The following ROBO2 variants were observed in gnomAD, a reference collection of about 807,000 sequenced individuals.
ROBO2 encodes the protein roundabout guidance receptor 2, also known as roundabout homolog 2.
A neutral mutation model predicts 160.8 loss-of-function variants in ROBO2; 53 were observed. The ratio of observed to expected loss-of-function variants is 0.33; its 90% confidence interval spans 0.26 to 0.41. The LOEUF (loss-of-function observed/expected upper bound fraction) is 0.41. Among genes scored for constraint, ROBO2 ranks in the 10% least tolerant of loss-of-function variants. The pLI, the probability that ROBO2 is intolerant of heterozygous loss-of-function variation, is 1.00. For missense variants in ROBO2, 1,577 were observed against 1,722.4 expected, an observed-to-expected ratio of 0.92 and a Z score of 1.49; for synonymous variants, 664 against 611.7, an observed-to-expected ratio of 1.09 and a Z score of -1.26.
intron 7 of ROBO2, among the ~76,000 whole-genome samples, chr3:77,549,500 A>G (rs999851635): frequency 2.6e-5 from 4 of 152,056 alleles, no homozygotes; most frequent in African/African-American, 9.7e-5. Context: ...AGAGGTCAAT[A>G]GCATATTGAA....
At chr3:77,264,682 C>G (rs1290794572) in intron 2 of ROBO2, among the ~76,000 whole-genome samples, 5 of 152,072 alleles carry the variant, frequency 3.3e-5, no homozygotes, top group African/African-American at 1.2e-4. Context: ...TCTAGAATCA[C>G]AGCTTCATAT....
At chr3:77,262,801 C>G (rs2058860746) in intron 2 of ROBO2, among the ~76,000 whole-genome samples, 1 of 152,190 alleles carries the variant, frequency 6.6e-6, no homozygotes, top group South Asian at 2.1e-4. Flanking sequence ...GATCCTCCCA[C>G]ATTCCCCAGC....
intron 2 of ROBO2, among the ~76,000 whole-genome samples, chr3:76,247,783 C>T: frequency 6.6e-6 from 1 of 151,740 alleles, no homozygotes; most frequent in Non-Finnish European, 1.5e-5. Context: ...ACAATGAACT[C>T]AAACAAATTT....
intron 17 of ROBO2, among the ~76,000 whole-genome samples, chr3:77,593,813 A>T (rs933056544): frequency 1.3e-5 from 2 of 152,182 alleles, no homozygotes; most frequent in Non-Finnish European, 2.9e-5. Flanking sequence ...ATGTGTATAT[A>T]TATTAAGTGG....
intron 2 of ROBO2, among the ~76,000 whole-genome samples, chr3:76,247,823 G>A (rs908904797): frequency 5.9e-5 from 9 of 151,836 alleles, no homozygotes; most frequent in Non-Finnish European, 1.2e-4. Context: ...ATCAAAAAGT[G>A]GGCGAAGGAC....
At chr3:77,041,698 G>A (rs2064118617) in intron 1 of ROBO2, among the ~76,000 whole-genome samples, 1 of 151,968 alleles carries the variant, frequency 6.6e-6, no homozygotes, top group East Asian at 1.9e-4. Flanking sequence ...ATGCTTTTTG[G>A]TTTGTATTCA....
chr3:77,223,404 A>C (rs62253272), intron 2 of ROBO2, among the ~76,000 whole-genome samples: 235 of 152,242 alleles, frequency 1.5e-3, no homozygotes, highest in Middle Eastern at 3.4e-3. Context: ...GAACAACTAA[A>C]ACAGGCGCAA....
intron 2 of ROBO2, among the ~76,000 whole-genome samples, chr3:76,868,562 G>A (rs530395745): frequency 1.6e-4 from 25 of 152,194 alleles, no homozygotes; most frequent in African/African-American, 6.0e-4. Context: ...TATCAAATTG[G>A]ATCTAAGTTG....
At chr3:76,999,307 A>G (rs1050765122) in intron 2 of ROBO2, among the ~76,000 whole-genome samples, 64 of 152,202 alleles carry the variant, frequency 4.2e-4, no homozygotes, top group African/African-American at 1.5e-3. Flanking sequence ...TAAGTAAGAG[A>G]GGGCACTCAA....
At chr3:77,339,967 C>A (rs1316273094) in intron 2 of ROBO2, among the ~76,000 whole-genome samples, 2 of 151,946 alleles carry the variant, frequency 1.3e-5, no homozygotes, top group Non-Finnish European at 2.9e-5. Context: ...AATGAGATGC[C>A]CCAAGTTGCA....
chr3:77,154,819 T>C (rs2077852813), intron 2 of ROBO2, among the ~76,000 whole-genome samples: 2 of 151,858 alleles, frequency 1.3e-5, no homozygotes, highest in Admixed American at 1.3e-4. Flanking sequence ...AAACACTGGG[T>C]ACTCAGGTAC....
At chr3:77,001,354 C>A (rs2061328053) in intron 2 of ROBO2, among the ~76,000 whole-genome samples, 1 of 152,062 alleles carries the variant, frequency 6.6e-6, no homozygotes, top group Non-Finnish European at 1.5e-5. Context: ...TGGTTCTTGT[C>A]ACTGGTCAAC....
rs1241902366 is a variant in ROBO2 at position 77,574,494 on chromosome 3, T to C, written c.1972-5T>C. On this transcript the variant is annotated splice_polypyrimidine_tract_variant and splice_region_variant and intron_variant, in intron 13 of 25. Coordinates refer to ENST00000461745, the Ensembl canonical transcript of ROBO2. ...GTTTCAAATGCCCTTAACTATGTTT[T>C]TCAGGTTGATCGCCAACCCCAGTTT... is the stretch of plus-strand genomic sequence containing the variant. 3 of 1,612,292 alleles carry C rather than the reference T, an allele frequency of 1.9e-6. No individual in the cohort carries two copies. The East Asian group carries it at 6.7e-5, about 36-fold the overall frequency.
At chr3:77,047,027 A>C (rs957855386) in intron 1 of ROBO2, among the ~76,000 whole-genome samples, 1 of 152,290 alleles carries the variant, frequency 6.6e-6, no homozygotes, top group Admixed American at 6.5e-5. Flanking sequence ...TCCAGCTGGT[A>C]CAATCTGGGA....
At chr3:75,936,236 G>A (rs1376213338) in intron 1 of ROBO2, among the ~76,000 whole-genome samples, 1 of 152,114 alleles carries the variant, frequency 6.6e-6, no homozygotes, top group Non-Finnish European at 1.5e-5. Context: ...GTTAAGTAAT[G>A]CAAAGTTGGT....
At chr3:76,918,000 C>T (rs1011437459) in intron 2 of ROBO2, among the ~76,000 whole-genome samples, 1 of 152,088 alleles carries the variant, frequency 6.6e-6, no homozygotes, top group African/African-American at 2.4e-5. Flanking sequence ...GGCAGAGATA[C>T]GAAATGGATA....
intron 2 of ROBO2, among the ~76,000 whole-genome samples, chr3:76,322,171 T>TATATATAC (rs1327457424): frequency 2.9e-5 from 1 of 34,354 alleles, no homozygotes; most frequent in African/African-American, 7.4e-5. Context: ...TCCGTATATA[T>TATATATAC]ATATATATAT....
intron 2 of ROBO2, among the ~76,000 whole-genome samples, chr3:76,524,865 A>AAAAAAAAATAT (rs1560091318): frequency 8.6e-6 from 1 of 116,018 alleles, no homozygotes. Context: ...AAAAAAAAAA[A>AAAAAAAAATAT]ATAAGTAAAA....
At chr3:76,562,728 T>G (rs926698570) in intron 2 of ROBO2, among the ~76,000 whole-genome samples, 3 of 152,222 alleles carry the variant, frequency 2.0e-5, no homozygotes, top group African/African-American at 7.2e-5. Flanking sequence ...TGTCATGTCT[T>G]TCTTTATACT....
Sources: gnomAD v4.1 joint callset for allele counts (sites outside exome capture counted in the v4.1 genomes callset) on GRCh38, gnomAD v4.1.1 for gene constraint, MANE v1.5 for transcripts, NCBI Gene and HGNC (gene_info 2026-07-23, HGNC 2026-07-21) for gene names.